Variants in NR3C1 observed in about 807,000 individuals in gnomAD.
NR3C1 encodes glucocorticoid receptor.
In NR3C1, 14 loss-of-function variants were observed where a neutral mutation model predicts 74.0. That is an observed-to-expected ratio of 0.19 (90% CI 0.12 to 0.30). The LOEUF is 0.30. Among genes scored for constraint, NR3C1 ranks in the 10% least tolerant of loss-of-function variants. The pLI, the probability that NR3C1 is intolerant of heterozygous loss-of-function variation, is 1.00. For synonymous variants in NR3C1, 308 were observed against 332.5 expected (o/e 0.93, Z 0.80); for missense variants, 695 against 909.8 (o/e 0.76, Z 3.04).
intron 4 of NR3C1, 71 bp downstream of exon 4, chr5:143,310,026 T>C (rs1820567568): frequency 9.0e-7 from 1 of 1,116,358 alleles, no homozygotes; most frequent in Non-Finnish European, 1.4e-6. Flanking sequence ...CTTACGTGTA[T>C]CTTCAAAAGT....
intron 2 of NR3C1, among the ~76,000 whole-genome samples, chr5:143,358,192 C>T (rs929042276): frequency 6.6e-6 from 1 of 152,180 alleles, no homozygotes; most frequent in Admixed American, 6.5e-5. Flanking sequence ...TAAACATTTA[C>T]TATATACAGA....
At chr5:143,288,953 A>C (rs1230125051) in intron 7 of NR3C1, among the ~76,000 whole-genome samples, 1 of 152,000 alleles carries the variant, frequency 6.6e-6, no homozygotes, top group Non-Finnish European at 1.5e-5. Flanking sequence ...AAAAATACAA[A>C]AATTAGCCAA....
rs565537795 is a variant in NR3C1 at position 143,419,169 on chromosome 5, T to C, written c.-14+15363A>G. 1.7e-3 allele frequency among the ~76,000 whole-genome samples: 265 copies of C among 152,296 alleles called. 4 individuals carry two copies. Among genetic ancestry groups the C allele is most frequent in the African/African-American group, 6.2e-3 (256 of 41,568 alleles). On this transcript the variant is annotated intron_variant, in intron 1 of 8. Coordinates refer to the NR3C1 transcript ENST00000343796. ...AAATATTTCAAAATCTGAAAATATC[T>C]GAAATCCAAAACCCTTCCTGTCGGA...
At chr5:143,420,118 A>C (rs1210581603) in intron 1 of NR3C1, among the ~76,000 whole-genome samples, 1 of 152,222 alleles carries the variant, frequency 6.6e-6, no homozygotes, top group Non-Finnish European at 1.5e-5. Flanking sequence ...TATTACCTGA[A>C]CAATTGCTGT....
At chr5:143,435,267 T>C (rs1485657924) in exon 1 of NR3C1, 3 of 985,334 alleles carry the variant, frequency 3.0e-6, no homozygotes, top group Non-Finnish European at 3.6e-6. Context: ...ACATGCGCAT[T>C]TTACGGTCCT....
chr5:143,391,284 G>T (rs554296023), intron 2 of NR3C1, among the ~76,000 whole-genome samples: 1 of 152,160 alleles, frequency 6.6e-6, no homozygotes, highest in Admixed American at 6.5e-5. Context: ...TTGTTTAACT[G>T]AAGTTTTTTT....
rs770453054 is a variant in NR3C1 at position 143,400,816 on chromosome 5, A to G, written c.24T>C (p.Thr8=). Residue 8 remains threonine, a synonymous_variant, in exon 2 of 9, where the codon ACT becomes ACC. Coordinates refer to ENST00000394464, the MANE Select transcript of NR3C1 (RefSeq NM_000176.3). MDSKESL[T]PGREENPSSV... ...TGCTGGGGTTTTCTTCTCTACCAGG[A>G]GTTAATGATTCTTTGGAGTCCATCA... The G allele has an allele frequency of 1.2e-6, 2 of 1,613,954 alleles. No homozygotes were observed. Among genetic ancestry groups the G allele is most frequent in the Non-Finnish European group, 1.7e-6 (2 of 1,179,992 alleles).
At chr5:143,373,465 G>A (rs1834578523) in intron 2 of NR3C1, among the ~76,000 whole-genome samples, 1 of 151,190 alleles carries the variant, frequency 6.6e-6, no homozygotes, top group Admixed American at 6.6e-5. Context: ...TTTATCGGGG[G>A]GTGGGGGGCT....
At chr5:143,421,837 T>C (rs1029803265) in intron 1 of NR3C1, among the ~76,000 whole-genome samples, 4 of 151,984 alleles carry the variant, frequency 2.6e-5, no homozygotes, top group Non-Finnish European at 4.4e-5. Context: ...AGCAAATAAA[T>C]GTGAGTTGTT....
At chr5:143,424,085 A>G (rs902284252) in intron 1 of NR3C1, among the ~76,000 whole-genome samples, 1 of 131,328 alleles carries the variant, frequency 7.6e-6, no homozygotes, top group Non-Finnish European at 1.6e-5. Context: ...GGGGGGAGGG[A>G]TAGCATTGGG....
chr5:143,397,680 C>T (rs1335950165), intron 2 of NR3C1, among the ~76,000 whole-genome samples: 1 of 151,816 alleles, frequency 6.6e-6, no homozygotes, highest in Non-Finnish European at 1.5e-5. Flanking sequence ...ATAATAATTT[C>T]ATTTGATATT....
At chr5:143,287,246 A>G (rs1412266134) in intron 7 of NR3C1, among the ~76,000 whole-genome samples, 5 of 152,118 alleles carry the variant, frequency 3.3e-5, no homozygotes, top group Non-Finnish European at 7.4e-5. Context: ...ATGAAACTAA[A>G]AATTGGTTCT....
At chr5:143,412,199 T>A (rs1048538597) in intron 1 of NR3C1, among the ~76,000 whole-genome samples, 1 of 146,496 alleles carries the variant, frequency 6.8e-6, no homozygotes, top group South Asian at 2.1e-4. Context: ...AAGGTAAATA[T>A]CTTTATATCA....
chr5:143,407,385 C>A (rs115764718), upstream of NR3C1: 7 of 152,198 alleles, frequency 4.6e-5, no homozygotes, highest in Non-Finnish European at 8.8e-5. Flanking sequence ...GTGCTCCCCC[C>A]ACTTTTTTTT....
chr5:143,433,110 G>T (rs1745847930), intron 1 of NR3C1, among the ~76,000 whole-genome samples: 1 of 152,098 alleles, frequency 6.6e-6, no homozygotes, highest in Non-Finnish European at 1.5e-5. Context: ...GCAGGCCATT[G>T]GTGGGAGGCT....
At chr5:143,286,403 T>A (rs1360503205) in intron 7 of NR3C1, among the ~76,000 whole-genome samples, 1 of 152,252 alleles carries the variant, frequency 6.6e-6, no homozygotes, top group African/African-American at 2.4e-5. Context: ...GGATACTATA[T>A]CATAACCAAA....
At chr5:143,358,075 C>T (rs1193995487) in intron 2 of NR3C1, among the ~76,000 whole-genome samples, 1 of 152,216 alleles carries the variant, frequency 6.6e-6, no homozygotes, top group African/African-American at 2.4e-5. Flanking sequence ...TTATTGTGTA[C>T]TACTGAATAG....
chr5:143,369,587 GC>G (rs986962403), intron 2 of NR3C1, among the ~76,000 whole-genome samples: 9 of 152,130 alleles, frequency 5.9e-5, no homozygotes, highest in Non-Finnish European at 1.3e-4. Flanking sequence ...AGTGAAATAA[GC>G]CAGGTACAAG....
At chr5:143,329,791 G>C (rs986128022) in intron 2 of NR3C1, among the ~76,000 whole-genome samples, 6 of 152,014 alleles carry the variant, frequency 3.9e-5, no homozygotes, top group Non-Finnish European at 7.4e-5. Flanking sequence ...GCATTCTCCA[G>C]ATACAGATAA....
Sources: allele counts gnomAD v4.1 joint callset (sites outside exome capture counted in the v4.1 genomes callset), GRCh38; gene constraint gnomAD v4.1.1; transcripts MANE v1.5; gene names NCBI Gene and HGNC (gene_info 2026-07-23, HGNC 2026-07-21).